The following ACSL5 variants were observed in gnomAD, a reference collection of about 807,000 sequenced individuals.
ACSL5 encodes the protein long-chain-fatty-acid--CoA ligase 5.
ACSL5 carries 50 observed loss-of-function variants against 84.9 expected under a neutral mutation model. That is an observed-to-expected ratio of 0.59 (90% CI 0.47 to 0.75). The LOEUF (loss-of-function observed/expected upper bound fraction) is 0.75, where lower values mean the gene tolerates loss of function less well. ACSL5 is among the 30% of genes least tolerant of loss of function. ACSL5 has a pLI of 0.00. For synonymous variants in ACSL5, 280 were observed against 300.7 expected (o/e 0.93, Z 0.71); for missense variants, 775 against 830.4 (o/e 0.93, Z 0.82).
chr10:112,392,842 G>A lies in ACSL5; in HGVS notation c.-29-2076G>A, dbSNP rs370957931. Among the ~76,000 whole-genome samples, 4 of 152,084 alleles carry A rather than the reference G, an allele frequency of 2.6e-5. No homozygotes were observed. In the South Asian group the frequency reaches 8.3e-4, roughly 32 times the overall value. On this transcript the variant is annotated intron_variant, in intron 1 of 20. Coordinates refer to ENST00000354655, the MANE Select transcript of ACSL5 (RefSeq NM_203379.2). ...AGGTGGGAGGTTCACTTGAGCCCAC[G>A]AGGTTGAGGCTGCAGTGAGCCAGAG...
At chr10:112,400,273 G>A (rs1843848544) in intron 3 of ACSL5, among the ~76,000 whole-genome samples, 1 of 151,842 alleles carries the variant, frequency 6.6e-6, no homozygotes. Context: ...GTGCAGTGGT[G>A]TGATAGAATA....
intron 1 of ACSL5, among the ~76,000 whole-genome samples, chr10:112,389,556 A>G (rs1410513025): frequency 1.3e-5 from 2 of 152,090 alleles, no homozygotes; most frequent in Admixed American, 6.6e-5. Flanking sequence ...CTTTACCACT[A>G]TTGTGCTTTT....
At chr10:112,405,373 T>C (rs1005681376) in intron 5 of ACSL5, among the ~76,000 whole-genome samples, 1 of 152,184 alleles carries the variant, frequency 6.6e-6, no homozygotes, top group Non-Finnish European at 1.5e-5. Flanking sequence ...ATATGATACA[T>C]ATAACATACA....
intron 3 of ACSL5, among the ~76,000 whole-genome samples, chr10:112,402,576 G>C (rs929972073): frequency 6.6e-6 from 1 of 152,196 alleles, no homozygotes; most frequent in African/African-American, 2.4e-5. Flanking sequence ...CTTTCATGCA[G>C]CTGTTTCAAT....
intron 17 of ACSL5, 132 bp from the exon 18 acceptor site, chr10:112,425,206 A>C (rs1844621209): frequency 1.3e-6 from 1 of 770,208 alleles, no homozygotes; most frequent in Non-Finnish European, 2.0e-6. Flanking sequence ...AAGAAAGAGA[A>C]ATGAAAGACA....
intron 1 of ACSL5, among the ~76,000 whole-genome samples, chr10:112,390,703 G>A (rs867183471): frequency 6.6e-6 from 1 of 151,860 alleles, no homozygotes; most frequent in Non-Finnish European, 1.5e-5. Flanking sequence ...TAGATAGAGT[G>A]TAGTCTATCC....
intron 1 of ACSL5, chr10:112,376,415 C>T (rs201482515): frequency 9.3e-6 from 15 of 1,614,036 alleles, no homozygotes; most frequent in Admixed American, 3.3e-5. Context: ...CCCCCATTCA[C>T]TAGAAGCACT....
rs556515084 is a variant in ACSL5 at position 112,402,990 on chromosome 10, G to C, written c.266-1521G>C. Among the ~76,000 whole-genome samples, 27 of 152,316 alleles carry C rather than the reference G, an allele frequency of 1.8e-4. 1 individual carries two copies. The highest frequency in any genetic ancestry group is 1.6e-4 in the Non-Finnish European group (11 of 68,028). ...TGTTCCCAAACTTATTTTAAGTAAG[G>C]CTGAGTAGTTTAGATATTCAGAAGT... is the stretch of plus-strand genomic sequence containing the variant. On this transcript the variant is annotated intron_variant, in intron 3 of 20. Coordinates refer to ENST00000354655, the MANE Select transcript of ACSL5 (RefSeq NM_203379.2).
chr10:112,397,751 C>T (rs1293875261), intron 2 of ACSL5, among the ~76,000 whole-genome samples: 1 of 152,188 alleles, frequency 6.6e-6, no homozygotes, highest in East Asian at 1.9e-4. Flanking sequence ...ATAGCATGTA[C>T]ATCATAGTAT....
chr10:112,402,683 TTTTTTTCCC>T (rs1055667943), intron 3 of ACSL5, among the ~76,000 whole-genome samples: 1 of 152,104 alleles, frequency 6.6e-6, no homozygotes, highest in Non-Finnish European at 1.5e-5. Flanking sequence ...CTTTCCTTCC[TTTTTTTCCC>T]ATCTCTTAGT....
chr10:112,421,836 G>C, intron 15 of ACSL5, 111 bp from the exon 16 acceptor site: 1 of 1,354,898 alleles, frequency 7.4e-7, no homozygotes, highest in South Asian at 1.2e-5. Flanking sequence ...TTGGTGCCAG[G>C]TGATTTTTCA....
At position 112,427,394 on chromosome 10, in the gene ACSL5, A is replaced by T. The variant is rs771847301; in HGVS notation, c.*36A>T. ...TTAAGTACCTGCCGGCCCACTGTGC[A>T]CTGCTTGTGAGAAAATGGATTAAAA... On this transcript the variant is annotated 3_prime_UTR_variant, in exon 21 of 21. Transcript: ENST00000354655. The T allele has an allele frequency of 6.5e-7, 1 of 1,542,034 alleles. No homozygotes were observed. Among genetic ancestry groups the T allele is most frequent in the East Asian group, 2.3e-5 (1 of 42,974 alleles).
chr10:112,401,790 T>TCTC (rs1564736329), intron 3 of ACSL5, among the ~76,000 whole-genome samples: 93 of 96,480 alleles, frequency 9.6e-4, no homozygotes, highest in Admixed American at 3.8e-3. Context: ...TTCTTTCTCT[T>TCTC]TCTTTCTTTC....
intron 3 of ACSL5, among the ~76,000 whole-genome samples, chr10:112,400,427 T>G (rs1415795560): frequency 2.1e-5 from 3 of 142,504 alleles, no homozygotes; most frequent in Non-Finnish European, 3.1e-5. Context: ...TTTTTTTTTT[T>G]GAGATGGAGT....
chr10:112,413,770 G>A (rs547036502), intron 12 of ACSL5, among the ~76,000 whole-genome samples: 2 of 152,128 alleles, frequency 1.3e-5, no homozygotes, highest in Non-Finnish European at 2.9e-5. Context: ...ATAAATAAGT[G>A]CAATCCCCTT....
In ACSL5 at chr10:112,380,120, G is replaced by A. The variant is rs145683132; in HGVS notation, c.-30+5851G>A. Among the ~76,000 whole-genome samples the A allele has an allele frequency of 4.0e-3, 602 of 152,244 alleles. 2 individuals are homozygous for A. Among genetic ancestry groups the A allele is most frequent in the African/African-American group, 0.014 (585 of 41,550 alleles). ...GGGTGTTACTGACACAAGTTGTCCC[G>A]GGGTCGGGATTTGGACTGTGACTCA... On this transcript the variant is annotated intron_variant, in intron 1 of 20. Coordinates refer to ENST00000354655, the MANE Select transcript of ACSL5 (RefSeq NM_203379.2).
intron 1 of ACSL5, among the ~76,000 whole-genome samples, chr10:112,387,492 T>C (rs1240393911): frequency 6.6e-6 from 1 of 152,220 alleles, no homozygotes; most frequent in Non-Finnish European, 1.5e-5. Context: ...AGTCAAGGAC[T>C]GAGAGAGAGG....
At chr10:112,402,690 C>T (rs4918749) in intron 3 of ACSL5, among the ~76,000 whole-genome samples, 151,448 of 152,236 alleles carry the variant, frequency 0.99, 75,334 homozygotes, top group East Asian at 1. Flanking sequence ...TCCTTTTTTT[C>T]CCATCTCTTA....
intron 3 of ACSL5, among the ~76,000 whole-genome samples, chr10:112,399,398 T>C (rs1377596597): frequency 6.6e-6 from 1 of 152,214 alleles, no homozygotes; most frequent in East Asian, 1.9e-4. Flanking sequence ...CTTTCATTAA[T>C]GTAATTCCCT....
Sources: gnomAD v4.1 joint callset for allele counts (sites outside exome capture counted in the v4.1 genomes callset) on GRCh38, gnomAD v4.1.1 for gene constraint, MANE v1.5 for transcripts, NCBI Gene and HGNC (gene_info 2026-07-23, HGNC 2026-07-21) for gene names.